PLCG2: variants seen among roughly 807,000 people sequenced by gnomAD.
PLCG2 encodes the protein 1-phosphatidylinositol 4,5-bisphosphate phosphodiesterase gamma-2.
A neutral mutation model predicts 175.6 loss-of-function variants in PLCG2; 69 were observed. The observed-to-expected ratio is 0.39, with a 90% CI of 0.32 to 0.48. PLCG2 has a LOEUF of 0.48. Among genes scored for constraint, PLCG2 ranks in the 20% least tolerant of loss-of-function variants. The pLI, the probability that PLCG2 is intolerant of heterozygous loss-of-function variation, is 0.91. For missense variants in PLCG2, 1,798 were observed against 1,650.9 expected, an observed-to-expected ratio of 1.09 and a Z score of -1.54; for synonymous variants, 827 against 624.0, an observed-to-expected ratio of 1.33 and a Z score of -4.85.
rs764040645 is a variant in PLCG2 at position 81,956,853 on chromosome 16, G to C, written c.3729G>C (p.Gln1243His). 1.2e-6 allele frequency: 2 copies of C among 1,613,884 alleles called. No homozygotes were observed. Among genetic ancestry groups the C allele is most frequent in the South Asian group, 1.1e-5 (1 of 91,014 alleles). ...KEFSVNENQL[Q>H]LYQEKCNKRL... is the part of the protein sequence containing the mutation. Reference sequence around the variant, plus strand: ...TCAGTGTTAATGAGAACCAGCTCCAGCTGTACCAGGAGAAATGCAACAAGA... The same window carrying C: ...TCAGTGTTAATGAGAACCAGCTCCACCTGTACCAGGAGAAATGCAACAAGA... Residue 1243 changes from glutamine (Q) to histidine (H), a missense_variant, in exon 32 of 33, where the codon CAG becomes CAC. Physicochemically the swap from Gln to His is conservative, Grantham distance 24 (BLOSUM62 0). Coordinates refer to ENST00000564138, the MANE Select transcript of PLCG2 (RefSeq NM_002661.5).
chr16:81,775,106 A>G (rs1910370519), upstream of PLCG2, among the ~76,000 whole-genome samples: 1 of 152,218 alleles, frequency 6.6e-6, no homozygotes, highest in Admixed American at 6.5e-5. Flanking sequence ...CAACTCATGC[A>G]TGTAAAGTGT....
rs539598152 is a variant in PLCG2 at position 81,889,216 on chromosome 16, A to T, written c.810A>T (p.Thr270=). Residue 270 remains threonine (T), a synonymous_variant, in exon 10 of 33, where the codon ACA becomes ACT. Coordinates refer to ENST00000564138, the MANE Select transcript of PLCG2 (RefSeq NM_002661.5). The part of the protein sequence containing the change: ...QDLNKVRERM[T]KFIDDTMRET... ...TGAACAAAGTCCGTGAGCGGATGAC[A>T]AAGTTCATTGATGACACCATGCGTG... The T allele has an allele frequency of 3.1e-6, 5 of 1,606,876 alleles. No homozygotes were observed. The highest frequency in any genetic ancestry group is 3.4e-6 in the Non-Finnish European group (4 of 1,176,844).
At chr16:81,892,253 C>T (rs775822938) in intron 11 of PLCG2, among the ~76,000 whole-genome samples, 58 of 152,222 alleles carry the variant, frequency 3.8e-4, no homozygotes, top group Admixed American at 2.3e-3. Context: ...TGTAGGTCAC[C>T]GTGAGAGCTG....
chr16:81,828,574 G>A (rs1237262652), intron 2 of PLCG2, among the ~76,000 whole-genome samples: 1 of 152,124 alleles, frequency 6.6e-6, no homozygotes, highest in Non-Finnish European at 1.5e-5. Context: ...GTGGTGTGGT[G>A]CCTCTTCCTT....
At chr16:81,876,892 C>T (rs909580720) in intron 7 of PLCG2, among the ~76,000 whole-genome samples, 1 of 152,220 alleles carries the variant, frequency 6.6e-6, no homozygotes, top group African/African-American at 2.4e-5. Flanking sequence ...GCTGGAATCT[C>T]ATTTATTGTG....
intron 7 of PLCG2, among the ~76,000 whole-genome samples, chr16:81,875,239 C>T (rs1189521176): frequency 2.0e-5 from 3 of 152,066 alleles, no homozygotes; most frequent in Non-Finnish European, 4.4e-5. Flanking sequence ...GCTGGGATTA[C>T]AGGTGTGAGC....
intron 7 of PLCG2, among the ~76,000 whole-genome samples, chr16:81,877,775 C>T (rs185221387): frequency 6.7e-6 from 1 of 148,228 alleles, no homozygotes; most frequent in East Asian, 1.9e-4. Flanking sequence ...GATGTCATTG[C>T]ATCGCTCCTT....
intron 2 of PLCG2, among the ~76,000 whole-genome samples, chr16:81,792,523 A>G (rs1451562942): frequency 6.6e-6 from 1 of 151,284 alleles, no homozygotes; most frequent in African/African-American, 2.4e-5. Context: ...ACAAAACAAA[A>G]CAAAAACAAG....
chr16:81,956,554 G>A, intron 31 of PLCG2, 141 bp from the exon 32 acceptor site: 1 of 582,804 alleles, frequency 1.7e-6, no homozygotes, highest in Admixed American at 3.1e-5. Context: ...GTTAAAATAG[G>A]CCCTGGCTCT....
At chr16:81,745,641 T>C (rs1179901856) in intron 1 of PLCG2, among the ~76,000 whole-genome samples, 1 of 152,236 alleles carries the variant, frequency 6.6e-6, no homozygotes, top group Non-Finnish European at 1.5e-5. Flanking sequence ...TTTACTGTTC[T>C]CAAGGTGGGC....
intron 2 of PLCG2, among the ~76,000 whole-genome samples, chr16:81,844,137 C>T (rs866968333): frequency 5.2e-5 from 7 of 135,846 alleles, no homozygotes; most frequent in Non-Finnish European, 9.4e-5. Flanking sequence ...CCACCACACC[C>T]GGCTGATTTT....
At chr16:81,824,993 G>T in intron 2 of PLCG2, among the ~76,000 whole-genome samples, 1 of 152,238 alleles carries the variant, frequency 6.6e-6, no homozygotes, top group South Asian at 2.1e-4. Context: ...GAAGGTGGAG[G>T]AAGGGGCCAC....
intron 30 of PLCG2, 43 bp from the exon 31 acceptor site, chr16:81,946,132 A>C: frequency 6.7e-7 from 1 of 1,492,850 alleles, no homozygotes; most frequent in Non-Finnish European, 9.3e-7. Context: ...AAGGTCTGAC[A>C]TTAATTACCT....
intron 1 of PLCG2, among the ~76,000 whole-genome samples, chr16:81,781,865 T>TCCCCC (rs11355840): frequency 9.3e-4 from 34 of 36,660 alleles, no homozygotes; most frequent in South Asian, 3.0e-3. Flanking sequence ...TCATGTCCTT[T>TCCCCC]CCCCCCCCCC....
intron 28 of PLCG2, 54 bp downstream of exon 28, chr16:81,937,957 TG>T: frequency 1.3e-6 from 2 of 1,580,870 alleles, no homozygotes; most frequent in East Asian, 4.5e-5. Flanking sequence ...CCCTGGGGGC[TG>T]GGCCGATGCT....
In PLCG2 at chr16:81,946,252, C is replaced by G. The variant is rs764693069; in HGVS notation, c.3559C>G (p.Arg1187Gly). ...LASLLVFCEM[R>G]PVLESEEELY... ...TTCCCTCCTGGTTTTCTGTGAGATGCGGCCAGTCCTGGTGAGTGGAGAAAC... is the reference window on the plus strand; with the variant it reads ...TTCCCTCCTGGTTTTCTGTGAGATGGGGCCAGTCCTGGTGAGTGGAGAAAC... The change falls in exon 31 of 33, where the codon CGG (arginine) becomes GGG (glycine). Residue 1187 changes from arginine to glycine, a missense_variant. Arg to Gly is a moderately radical substitution (Grantham distance 125, BLOSUM62 -2). Coordinates refer to ENST00000564138, the MANE Select transcript of PLCG2 (RefSeq NM_002661.5). The G allele has an allele frequency of 2.5e-6, 4 of 1,612,702 alleles. No homozygotes were observed. The highest frequency in any genetic ancestry group is 1.3e-5 in the African/African-American group (1 of 74,980).
intron 14 of PLCG2, among the ~76,000 whole-genome samples, chr16:81,901,833 T>A (rs4889435): frequency 0.87 from 132,084 of 152,268 alleles, 57,790 homozygotes; most frequent in East Asian, 0.97. Context: ...AAACCCATCT[T>A]TTAGTGTATT....
chr16:81,857,638 C>A (rs552301401), intron 3 of PLCG2, among the ~76,000 whole-genome samples: 1 of 84,410 alleles, frequency 1.2e-5, no homozygotes, highest in Admixed American at 1.2e-4. Flanking sequence ...TCTAGTCTCT[C>A]TTTCTCTTCT....
At chr16:81,899,299 C>G (rs1399058422) in intron 13 of PLCG2, among the ~76,000 whole-genome samples, 2 of 150,954 alleles carry the variant, frequency 1.3e-5, no homozygotes, top group Non-Finnish European at 2.9e-5. Flanking sequence ...TACACACACA[C>G]ACACATAAAT....
Sources: gnomAD v4.1 joint callset for allele counts (sites outside exome capture counted in the v4.1 genomes callset) on GRCh38, gnomAD v4.1.1 for gene constraint, MANE v1.5 for transcripts, NCBI Gene and HGNC (gene_info 2026-07-23, HGNC 2026-07-21) for gene names.